RBMS1: variants seen among roughly 807,000 people sequenced by gnomAD.
RBMS1 encodes RNA binding motif single stranded interacting protein 1.
A neutral mutation model predicts 62.3 loss-of-function variants in RBMS1; 17 were observed. The ratio of observed to expected loss-of-function variants is 0.27; its 90% CI spans 0.19 to 0.41. RBMS1 has a LOEUF of 0.41. Among genes scored for constraint, RBMS1 ranks in the 10% least tolerant of loss-of-function variants. RBMS1 has a pLI of 1.00. For synonymous variants in RBMS1, 172 were observed against 170.0 expected, an observed-to-expected ratio of 1.01 and a Z score of -0.09; for missense variants, 334 against 504.5, an observed-to-expected ratio of 0.66 and a Z score of 3.24.
intron 2 of RBMS1, among the ~76,000 whole-genome samples, chr2:160,357,485 C>T (rs1483695139): frequency 6.6e-6 from 1 of 152,072 alleles, no homozygotes. Context: ...AGAAAATAGA[C>T]ATAACTGAGA....
At chr2:160,451,070 C>T (rs1473130178) in intron 1 of RBMS1, among the ~76,000 whole-genome samples, 1 of 151,840 alleles carries the variant, frequency 6.6e-6, no homozygotes, top group East Asian at 1.9e-4. Flanking sequence ...GTGGGAGGAT[C>T]CCTTGAGCCC....
chr2:160,420,550 A>G (rs1305237817), intron 1 of RBMS1, among the ~76,000 whole-genome samples: 2 of 152,188 alleles, frequency 1.3e-5, no homozygotes, highest in Admixed American at 1.3e-4. Flanking sequence ...CATACTCCCC[A>G]TACGTACTCT....
intron 12 of RBMS1, 75 bp from the exon 13 acceptor site, chr2:160,275,789 A>C (rs1396302906): frequency 6.3e-7 from 1 of 1,596,254 alleles, no homozygotes; most frequent in African/African-American, 1.3e-5. Flanking sequence ...GCCTGACTGA[A>C]TCCAACAGTG....
At chr2:160,443,632 A>G (rs1024273777) in intron 1 of RBMS1, among the ~76,000 whole-genome samples, 2 of 151,762 alleles carry the variant, frequency 1.3e-5, no homozygotes, top group Admixed American at 1.3e-4. Context: ...TTCTGTCACG[A>G]GTCAAAGCTC....
At chr2:160,414,230 C>G (rs1337292996) in intron 1 of RBMS1, among the ~76,000 whole-genome samples, 1 of 152,192 alleles carries the variant, frequency 6.6e-6, no homozygotes. Context: ...ATATTCAGCC[C>G]CAACCTAGCA....
chr2:160,426,335 A>AAGGAAGGAAGGGAAGG (rs58658592), intron 1 of RBMS1, among the ~76,000 whole-genome samples: 3 of 93,240 alleles, frequency 3.2e-5, no homozygotes, highest in African/African-American at 1.2e-4. Flanking sequence ...GGAAGGAAGG[A>AAGGAAGGAAGGGAAGG]AAGGAAGGAA....
chr2:160,415,054 A>G (rs952718850), intron 1 of RBMS1, among the ~76,000 whole-genome samples: 3 of 152,066 alleles, frequency 2.0e-5, no homozygotes, highest in African/African-American at 7.2e-5. Context: ...CATTTTTCAT[A>G]TATTGTGAAT....
At chr2:160,462,397 G>A (rs1407766309) in intron 1 of RBMS1, among the ~76,000 whole-genome samples, 1 of 152,126 alleles carries the variant, frequency 6.6e-6, no homozygotes, top group Admixed American at 6.5e-5. Context: ...TCAAATTAGG[G>A]CAGAAAAGGA....
chr2:160,347,860 G>C (rs1409498435), intron 2 of RBMS1, among the ~76,000 whole-genome samples: 1 of 152,012 alleles, frequency 6.6e-6, no homozygotes, highest in Non-Finnish European at 1.5e-5. Context: ...TCTTCTGTTT[G>C]AATAGAGTGC....
At chr2:160,400,525 T>C (rs1695380708) in intron 1 of RBMS1, among the ~76,000 whole-genome samples, 1 of 152,234 alleles carries the variant, frequency 6.6e-6, no homozygotes, top group South Asian at 2.1e-4. Context: ...AAAATTTATC[T>C]GTCCACAAAA....
At chr2:160,344,607 C>G (rs1019175334) in intron 2 of RBMS1, among the ~76,000 whole-genome samples, 7 of 152,116 alleles carry the variant, frequency 4.6e-5, no homozygotes, top group Non-Finnish European at 1.0e-4. Context: ...TTTTAATTTT[C>G]AAGAGCCAAG....
chr2:160,392,994 C>A (rs1409236375), intron 1 of RBMS1, among the ~76,000 whole-genome samples: 2 of 152,144 alleles, frequency 1.3e-5, no homozygotes, highest in East Asian at 1.9e-4. Flanking sequence ...TTTTTCTGCA[C>A]CCCTTTTAAA....
intron 7 of RBMS1, among the ~76,000 whole-genome samples, chr2:160,286,646 C>A (rs1221528038): frequency 2.6e-5 from 4 of 152,062 alleles, no homozygotes; most frequent in Admixed American, 1.3e-4. Flanking sequence ...CTGAAAAAAA[C>A]CAAAAACAAA....
intron 4 of RBMS1, among the ~76,000 whole-genome samples, chr2:160,303,909 C>T (rs1559349275): frequency 6.6e-6 from 1 of 152,108 alleles, no homozygotes; most frequent in Non-Finnish European, 1.5e-5. Flanking sequence ...GGATTCTGGA[C>T]CAAGTCATCT....
At chr2:160,388,127 T>G (rs1403121813) in intron 1 of RBMS1, among the ~76,000 whole-genome samples, 2 of 152,226 alleles carry the variant, frequency 1.3e-5, no homozygotes, top group Non-Finnish European at 2.9e-5. Flanking sequence ...ACTCAGTTAC[T>G]CATAAGACTG....
intron 2 of RBMS1, among the ~76,000 whole-genome samples, chr2:160,325,166 G>A (rs914671104): frequency 6.6e-6 from 1 of 152,150 alleles, no homozygotes; most frequent in South Asian, 2.1e-4. Flanking sequence ...GCCACAGATT[G>A]AAAGTAATTC....
At chr2:160,447,983 A>C (rs1196558785) in intron 1 of RBMS1, among the ~76,000 whole-genome samples, 1 of 152,180 alleles carries the variant, frequency 6.6e-6, no homozygotes, top group East Asian at 1.9e-4. Flanking sequence ...AAAACACTGA[A>C]AAATATTGTT....
At chr2:160,394,513 T>C (rs760578100) in intron 1 of RBMS1, among the ~76,000 whole-genome samples, 4 of 152,188 alleles carry the variant, frequency 2.6e-5, no homozygotes, top group Non-Finnish European at 4.4e-5. Context: ...TTAAACTAGA[T>C]TGATTTCTCA....
chr2:160,311,780 C>A (rs1689938207), intron 4 of RBMS1, among the ~76,000 whole-genome samples: 2 of 152,020 alleles, frequency 1.3e-5, no homozygotes, highest in African/African-American at 4.8e-5. Flanking sequence ...GAGTTTCAGG[C>A]TTGAAAATAT....
Sources: allele counts gnomAD v4.1 joint callset (sites outside exome capture counted in the v4.1 genomes callset), GRCh38; gene constraint gnomAD v4.1.1; transcripts MANE v1.5; gene names NCBI Gene and HGNC (gene_info 2026-07-23, HGNC 2026-07-21).